The following KLF12 variants were observed in gnomAD, a reference collection of about 807,000 sequenced individuals.
The protein encoded by KLF12 is KLF transcription factor 12, also known as Krueppel-like factor 12.
Under a neutral mutation model 37.8 loss-of-function variants are expected in KLF12, and 9 were observed. The observed-to-expected ratio is 0.24, with a 90% CI of 0.14 to 0.42. The LOEUF is 0.42. Among genes scored for constraint, KLF12 ranks in the 10% least tolerant of loss-of-function variants. KLF12 has a pLI of 1.00. For synonymous variants in KLF12, 208 were observed against 202.1 expected (o/e 1.03, Z -0.25); for missense variants, 411 against 516.0 (o/e 0.80, Z 1.97).
At chr13:73,730,612 G>A (rs1369758114) in intron 6 of KLF12, among the ~76,000 whole-genome samples, 5 of 152,092 alleles carry the variant, frequency 3.3e-5, no homozygotes, top group South Asian at 2.1e-4. Flanking sequence ...GGGAGTCAAG[G>A]GAGGGGGTGT....
At chr13:74,302,960 A>AT in the KLF12 span, among the ~76,000 whole-genome samples, 6 of 152,062 alleles carry the variant, frequency 3.9e-5, no homozygotes, top group South Asian at 2.1e-4. Flanking sequence ...CCTTTAACTC[A>AT]TTTTTTTAAA....
chr13:73,970,442 G>T (rs1340462357), intron 2 of KLF12, among the ~76,000 whole-genome samples: 2 of 151,712 alleles, frequency 1.3e-5, no homozygotes, highest in East Asian at 1.9e-4. Flanking sequence ...CCTCAGATCC[G>T]ACATAGCTGA....
chr13:74,011,689 T>C (rs1366837548), intron 1 of KLF12, among the ~76,000 whole-genome samples: 1 of 152,216 alleles, frequency 6.6e-6, no homozygotes, highest in Non-Finnish European at 1.5e-5. Context: ...TTGTGAATTT[T>C]AAGTAATCTA....
At chr13:73,998,852 C>T (rs1892193803) in intron 1 of KLF12, among the ~76,000 whole-genome samples, 1 of 152,182 alleles carries the variant, frequency 6.6e-6, no homozygotes, top group Non-Finnish European at 1.5e-5. Flanking sequence ...AAATGCAAAT[C>T]TAAGTGCTAC....
intron 1 of KLF12, among the ~76,000 whole-genome samples, chr13:74,034,248 TA>T (rs897125672): frequency 5.3e-5 from 8 of 150,806 alleles, no homozygotes; most frequent in Non-Finnish European, 1.0e-4. Context: ...ATTTTTTTTT[TA>T]GTAGAGATGG....
chr13:74,207,315 G>C, the KLF12 span, among the ~76,000 whole-genome samples: 1 of 152,148 alleles, frequency 6.6e-6, no homozygotes, highest in Admixed American at 6.6e-5. Flanking sequence ...AACCATAACA[G>C]TCATACACAA....
chr13:74,011,059 A>G (rs1203802239), intron 1 of KLF12, among the ~76,000 whole-genome samples: 1 of 152,148 alleles, frequency 6.6e-6, no homozygotes, highest in African/African-American at 2.4e-5. Context: ...TGCCTCTTTA[A>G]TATCAGTGAT....
At chr13:73,786,714 C>T (rs1158063080) in intron 5 of KLF12, among the ~76,000 whole-genome samples, 1 of 149,752 alleles carries the variant, frequency 6.7e-6, no homozygotes, top group African/African-American at 2.5e-5. Flanking sequence ...AAAACCCCAC[C>T]CCTACTATGC....
chr13:73,891,273 G>A (rs1223570900), intron 3 of KLF12, among the ~76,000 whole-genome samples: 1 of 152,004 alleles, frequency 6.6e-6, no homozygotes, highest in Non-Finnish European at 1.5e-5. Context: ...AAAGTCTAAT[G>A]TTATTTAAAA....
At chr13:73,845,371 T>G (rs979174255) in intron 4 of KLF12, among the ~76,000 whole-genome samples, 4 of 152,128 alleles carry the variant, frequency 2.6e-5, no homozygotes, top group Non-Finnish European at 5.9e-5. Flanking sequence ...CACTGCAACT[T>G]CACAACATTG....
chr13:74,184,224 T>C, the KLF12 span, among the ~76,000 whole-genome samples: 1 of 152,228 alleles, frequency 6.6e-6, no homozygotes, highest in Non-Finnish European at 1.5e-5. Flanking sequence ...GTGGTAATGC[T>C]GACAGATTAT....
intron 2 of KLF12, among the ~76,000 whole-genome samples, chr13:73,983,040 C>T (rs1480237714): frequency 1.3e-5 from 2 of 152,002 alleles, no homozygotes; most frequent in Non-Finnish European, 2.9e-5. Flanking sequence ...TTCATTCATC[C>T]TCTTGTTCAA....
At chr13:73,995,500 T>C (rs1281155919) in intron 1 of KLF12, among the ~76,000 whole-genome samples, 1 of 152,190 alleles carries the variant, frequency 6.6e-6, no homozygotes, top group Non-Finnish European at 1.5e-5. Context: ...TTTAAAGTAA[T>C]GTCATTTCAT....
chr13:73,854,247 C>T (rs1339304317), intron 3 of KLF12, among the ~76,000 whole-genome samples: 1 of 152,186 alleles, frequency 6.6e-6, no homozygotes, highest in Non-Finnish European at 1.5e-5. Flanking sequence ...TCCTAAACCA[C>T]AATCTCACTC....
the KLF12 span, chr13:74,259,580 C>T: frequency 6.6e-6 from 1 of 152,186 alleles, no homozygotes; most frequent in Non-Finnish European, 1.5e-5. Context: ...CTTGCATGCC[C>T]CTCTTAAGGT....
At position 73,859,148 on chromosome 13, in the gene KLF12, C is replaced by A. The variant is rs149071475; in HGVS notation, c.124-12775G>T. Among the ~76,000 whole-genome samples the A allele has an allele frequency of 2.0e-3, 300 of 152,266 alleles. 3 individuals carry two copies. Among genetic ancestry groups the A allele is most frequent in the Middle Eastern group, 0.01 (3 of 294 alleles). On this transcript the variant is annotated intron_variant, in intron 3 of 7. Coordinates refer to ENST00000377669, the MANE Select transcript of KLF12 (RefSeq NM_007249.5). The stretch of plus-strand genomic sequence containing the variant: ...GGGCAAGTGACAGCAACTCCCTCAT[C>A]TACAGAAACTGGTGCCAATGCACTT...
chr13:73,960,394 T>C (rs185120340), intron 2 of KLF12: 1 of 300,236 alleles, frequency 3.3e-6, no homozygotes, highest in African/African-American at 2.1e-5. Context: ...TTTCTCACTT[T>C]TTAAAATAAT....
chr13:73,710,444 T>C (rs914583983), intron 7 of KLF12, among the ~76,000 whole-genome samples: 1 of 145,588 alleles, frequency 6.9e-6, no homozygotes, highest in Non-Finnish European at 1.5e-5. Flanking sequence ...TTTGTGGCAA[T>C]CCTATGTCAG....
chr13:73,846,564 A>T, intron 3 of KLF12, among the ~76,000 whole-genome samples, 191 bp from the exon 4 acceptor site: 1 of 152,214 alleles, frequency 6.6e-6, no homozygotes, highest in East Asian at 1.9e-4. Context: ...AGTACAAAAC[A>T]GAATAAGGCC....
Sources: allele counts gnomAD v4.1 joint callset (sites outside exome capture counted in the v4.1 genomes callset), GRCh38; gene constraint gnomAD v4.1.1; transcripts MANE v1.5; gene names NCBI Gene and HGNC (gene_info 2026-07-23, HGNC 2026-07-21).